Variants in ZNF81 observed in about 807,000 individuals in gnomAD.
The protein encoded by ZNF81 is zinc finger protein 81.
A neutral mutation model predicts 32.3 loss-of-function variants in ZNF81; 5 were observed. The observed-to-expected ratio is 0.15, with a 90% confidence interval of 0.08 to 0.33. The LOEUF is 0.33. Among genes scored for constraint, ZNF81 ranks in the 10% least tolerant of loss-of-function variants. ZNF81 has a pLI of 1.00. For missense variants in ZNF81, 379 were observed against 479.8 expected, an observed-to-expected ratio of 0.79 and a Z score of 1.96; for synonymous variants, 163 against 166.8, an observed-to-expected ratio of 0.98 and a Z score of 0.17.
In ZNF81 at chrX:47,846,252, C is replaced by A. The variant is rs782490338; in HGVS notation, c.-16C>A. On this transcript the variant is annotated 5_prime_UTR_variant, in exon 2 of 5. Coordinates refer to ENST00000338637, the MANE Select transcript of ZNF81 (RefSeq NM_007137.5). ...GCAAGAAAGCCCCAGGGCTGAAGTC[C>A]AAGTCCGTCGGGAACATGCCAGCTA... 1 of 1,205,749 alleles carries A rather than the reference C, an allele frequency of 8.3e-7. No homozygotes were observed. Among genetic ancestry groups the A allele is most frequent in the Admixed American group, 2.2e-5 (1 of 45,406 alleles).
chrX:47,895,558 TAA>T (rs1186281079), intron 3 of ZNF81, among the ~76,000 whole-genome samples: 1 of 111,553 alleles, frequency 9.0e-6, no homozygotes, highest in Non-Finnish European at 1.9e-5. Context: ...CCTTTAGACA[TAA>T]GAGACAATAA....
chrX:47,872,995 C>T (rs2058586152), intron 2 of ZNF81, among the ~76,000 whole-genome samples: 1 of 111,433 alleles, frequency 9.0e-6, no homozygotes, highest in African/African-American at 3.3e-5. Context: ...TACCCTCTGC[C>T]ATCCCCTTTT....
At chrX:47,894,494 G>A (rs1157057111) in intron 3 of ZNF81, among the ~76,000 whole-genome samples, 4 of 111,785 alleles carry the variant, frequency 3.6e-5, no homozygotes, top group Non-Finnish European at 5.6e-5. Flanking sequence ...AAGTGGTCGG[G>A]TGGGAGTTTT....
intron 2 of ZNF81, among the ~76,000 whole-genome samples, chrX:47,887,102 A>G (rs946395722): frequency 9.0e-6 from 1 of 111,535 alleles, no homozygotes; most frequent in African/African-American, 3.3e-5. Context: ...ATTGAATCAC[A>G]TTGGCACTTT....
rs1163976944 is a variant in ZNF81, at chrX:47,907,427, T to C, written c.278-7497T>C. Among the ~76,000 whole-genome samples the C allele has an allele frequency of 2.8e-5, 3 of 107,809 alleles. No homozygotes were observed. In the East Asian group the frequency reaches 8.6e-4, roughly 31 times the overall value. 93.6% of individuals were successfully genotyped at this position (107,809 alleles called of 115,157 possible). A position where few individuals can be genotyped will look rare whatever the true frequency, so the allele number is the denominator to read the frequency against. On this transcript the variant is annotated intron_variant, in intron 4 of 4. Coordinates refer to ENST00000338637, the MANE Select transcript of ZNF81 (RefSeq NM_007137.5). ...TACCAATATTGTATGTTACAAATCA[T>C]CATTTCTAAATCTGGATTGATTCTG...
chrX:47,909,249 TCA>T (rs1414689601), intron 4 of ZNF81, among the ~76,000 whole-genome samples: 5 of 112,295 alleles, frequency 4.5e-5, no homozygotes, highest in African/African-American at 1.3e-4. Context: ...TCAGCATCGT[TCA>T]GATTTCTTAT....
At chrX:47,871,977 A>G (rs1299591919) in intron 2 of ZNF81, among the ~76,000 whole-genome samples, 2 of 112,142 alleles carry the variant, frequency 1.8e-5, no homozygotes, top group South Asian at 3.7e-4. Flanking sequence ...AAATTTTGGA[A>G]TCTCCAAAGC....
intron 2 of ZNF81, among the ~76,000 whole-genome samples, chrX:47,854,599 C>G (rs925993201): frequency 5.4e-5 from 6 of 111,234 alleles, no homozygotes; most frequent in Non-Finnish European, 9.4e-5. Context: ...TATTAATTGG[C>G]CTAATTTCAA....
At chrX:47,846,059 T>C in intron 1 of ZNF81, 46 bp from the exon 2 acceptor site, 1 of 501,150 alleles carries the variant, frequency 2.0e-6, no homozygotes, top group Non-Finnish European at 3.6e-6. Context: ...GATGTCTGTG[T>C]AGTAAGTGCT....
intron 3 of ZNF81, among the ~76,000 whole-genome samples, chrX:47,888,612 C>T (rs894578385): frequency 2.7e-5 from 3 of 110,865 alleles, no homozygotes; most frequent in African/African-American, 9.9e-5. Flanking sequence ...TTTTGAGCCC[C>T]CTAGTTTGTG....
intron 4 of ZNF81, among the ~76,000 whole-genome samples, chrX:47,904,569 GC>G (rs2058712926): frequency 9.0e-6 from 1 of 110,554 alleles, no homozygotes; most frequent in African/African-American, 3.3e-5. Context: ...AACAACAGGT[GC>G]TGGAGAGGAT....
intron 2 of ZNF81, among the ~76,000 whole-genome samples, chrX:47,856,674 G>A (rs1191697564): frequency 1.8e-5 from 2 of 111,882 alleles, no homozygotes; most frequent in Non-Finnish European, 3.8e-5. Flanking sequence ...GCCGGGCGCG[G>A]TGGCTCATAC....
At chrX:47,877,895 A>G (rs1026213708) in intron 2 of ZNF81, among the ~76,000 whole-genome samples, 4 of 111,796 alleles carry the variant, frequency 3.6e-5, no homozygotes, top group African/African-American at 6.5e-5. Context: ...TAAGAGCCCA[A>G]TGCTAGTCAA....
At position 47,920,738 on chromosome X, in the gene ZNF81, G is replaced by A. The variant is rs2058773740; in HGVS notation, c.*4106G>A. On this transcript the variant is annotated 3_prime_UTR_variant, in exon 5 of 5. Transcript: ENST00000338637. ...TTCTCCAGTCTTCTTCCTTGTCCCCGTGTTTCTTGAGAGCACTCAGTGGAT... is the reference window on the plus strand; with the variant it reads ...TTCTCCAGTCTTCTTCCTTGTCCCCATGTTTCTTGAGAGCACTCAGTGGAT... The A allele has an allele frequency of 1.8e-5, 2 of 110,488 alleles. No individual in the cohort carries two copies. The highest frequency in any genetic ancestry group is 9.6e-5 in the Admixed American group (1 of 10,367). 9.1% of individuals were successfully genotyped at this position (110,488 alleles called of 1,213,427 possible).
At position 47,846,171 on chromosome X, in the gene ZNF81, T is replaced by C. The variant is rs1474247881; in HGVS notation, c.-97T>C. 3.9e-6 allele frequency: 4 copies of C among 1,024,840 alleles called. No individual in the cohort carries two copies. The highest frequency in any genetic ancestry group is 5.4e-6 in the Non-Finnish European group (4 of 745,706). The allele number at this position is 1,024,840 out of a possible 1,213,427, so 84.5% of individuals were successfully genotyped here. A position where few individuals can be genotyped will look rare whatever the true frequency, so the allele number is the denominator to read the frequency against. On this transcript the variant is annotated 5_prime_UTR_variant, in exon 2 of 5. Coordinates refer to ENST00000338637, the MANE Select transcript of ZNF81 (RefSeq NM_007137.5). Reference sequence around the variant, plus strand: ...AGTGAAAGCTGCAGGATCTTCCTTCTGACCCCAGCAGTCCCCGTTGAGTCC... The same window carrying C: ...AGTGAAAGCTGCAGGATCTTCCTTCCGACCCCAGCAGTCCCCGTTGAGTCC...
At chrX:47,882,125 A>T (rs939446370) in intron 2 of ZNF81, among the ~76,000 whole-genome samples, 27 of 111,144 alleles carry the variant, frequency 2.4e-4, no homozygotes, top group Admixed American at 4.8e-4. Context: ...AATTGCCCAG[A>T]TCTTAAATGT....
At chrX:47,902,218 G>A (rs961045296) in intron 4 of ZNF81, among the ~76,000 whole-genome samples, 4 of 110,731 alleles carry the variant, frequency 3.6e-5, no homozygotes, top group African/African-American at 1.3e-4. Context: ...CTCTTTCTCT[G>A]AAGTTGATAA....
intron 2 of ZNF81, among the ~76,000 whole-genome samples, chrX:47,886,603 T>TC (rs1418070837): frequency 9.7e-6 from 1 of 102,604 alleles, no homozygotes; most frequent in Non-Finnish European, 2.0e-5. Context: ...CTCTCTCTCT[T>TC]TTTTTTTTTT....
At chrX:47,895,470 A>G (rs1374811215) in intron 3 of ZNF81, among the ~76,000 whole-genome samples, 1 of 112,018 alleles carries the variant, frequency 8.9e-6, no homozygotes, top group Non-Finnish European at 1.9e-5. Context: ...ACTAGAAACT[A>G]GAAGATGCTG....
Sources: allele counts gnomAD v4.1 joint callset (sites outside exome capture counted in the v4.1 genomes callset), GRCh38; gene constraint gnomAD v4.1.1; transcripts MANE v1.5; gene names NCBI Gene and HGNC (gene_info 2026-07-23, HGNC 2026-07-21).